The following CPA6 variants were observed in gnomAD, a reference collection of about 807,000 sequenced individuals.
CPA6 encodes the protein carboxypeptidase B.
A neutral mutation model predicts 63.3 loss-of-function variants in CPA6; 58 were observed. The ratio of observed to expected loss-of-function variants is 0.92; its 90% CI spans 0.74 to 1.14. The LOEUF (loss-of-function observed/expected upper bound fraction) is 1.14. Among genes scored for constraint, CPA6 ranks in the 50% most tolerant of loss-of-function variants. The pLI, the probability that CPA6 is intolerant of heterozygous loss-of-function variation, is 0.00. For synonymous variants in CPA6, 185 were observed against 179.0 expected (o/e 1.03, Z -0.27); for missense variants, 565 against 526.6 (o/e 1.07, Z -0.71).
At chr8:67,737,572 G>C (rs1817837798) in intron 1 of CPA6, among the ~76,000 whole-genome samples, 1 of 152,056 alleles carries the variant, frequency 6.6e-6, no homozygotes, top group African/African-American at 2.4e-5. Context: ...GTTTTCTCTG[G>C]AGGCACAAGG....
At chr8:67,431,006 T>C (rs1162031523) in intron 9 of CPA6, among the ~76,000 whole-genome samples, 1 of 152,008 alleles carries the variant, frequency 6.6e-6, no homozygotes, top group Non-Finnish European at 1.5e-5. Context: ...GGACTACAGG[T>C]ATGCACCACT....
Position 67,503,915 on chromosome 8 carries a change from CCT to C in CPA6, c.636+2870_636+2871del, listed in dbSNP as rs1456486882. On this transcript the variant is annotated intron_variant, in intron 6 of 10. Coordinates refer to ENST00000297770, the MANE Select transcript of CPA6 (RefSeq NM_020361.5). Reference sequence around the variant, plus strand: ...CTCTCGCTCCCATTTTCCCCCATCCCCTGACAGGCCCCAGTGTGTGATGTTCC... The same window carrying C: ...CTCTCGCTCCCATTTTCCCCCATCCCGACAGGCCCCAGTGTGTGATGTTCC... 2.6e-5 allele frequency among the ~76,000 whole-genome samples: 4 copies of C among 152,182 alleles called. 1 individual carries two copies. Among genetic ancestry groups the C allele is most frequent in the South Asian group, 4.2e-4 (2 of 4,812 alleles).
At chr8:67,654,442 A>G (rs1815932989) in intron 1 of CPA6, among the ~76,000 whole-genome samples, 1 of 152,102 alleles carries the variant, frequency 6.6e-6, no homozygotes, top group Non-Finnish European at 1.5e-5. Context: ...GTCTATTCAG[A>G]GATTCAACTT....
intron 2 of CPA6, among the ~76,000 whole-genome samples, chr8:67,582,222 C>A (rs188881759): frequency 1.3e-5 from 2 of 152,042 alleles, no homozygotes; most frequent in Admixed American, 1.3e-4. Context: ...TGAGAGCCCA[C>A]CTCAGATTCA....
intron 2 of CPA6, among the ~76,000 whole-genome samples, chr8:67,559,287 T>C (rs1260350581): frequency 6.6e-6 from 1 of 152,156 alleles, no homozygotes; most frequent in African/African-American, 2.4e-5. Context: ...CAGGGAATGA[T>C]TTTCCAGGGA....
chr8:67,553,406 AAAGAGTAATGATATTAT>A (rs1214013280), intron 2 of CPA6, among the ~76,000 whole-genome samples: 6 of 152,226 alleles, frequency 3.9e-5, no homozygotes, highest in African/African-American at 1.4e-4. Context: ...ATTTTATGGT[AAAGAGTAATGATATTAT>A]AAGTTCTCAA....
chr8:67,553,394 C>T (rs1812992382), intron 2 of CPA6, among the ~76,000 whole-genome samples: 1 of 152,216 alleles, frequency 6.6e-6, no homozygotes, highest in East Asian at 1.9e-4. Context: ...AACAGATAAA[C>T]AATTTTATGG....
At chr8:67,729,605 C>A (rs2129002823) in intron 1 of CPA6, among the ~76,000 whole-genome samples, 1 of 152,280 alleles carries the variant, frequency 6.6e-6, no homozygotes, top group South Asian at 2.1e-4. Flanking sequence ...TACTGCAGAG[C>A]ATTCTGAGTG....
chr8:67,696,717 C>G (rs920986806), intron 1 of CPA6, among the ~76,000 whole-genome samples: 1 of 152,208 alleles, frequency 6.6e-6, no homozygotes, highest in Non-Finnish European at 1.5e-5. Flanking sequence ...ATATGAACTA[C>G]AAACCATCAA....
At chr8:67,622,123 C>G (rs1815097002) in intron 2 of CPA6, among the ~76,000 whole-genome samples, 1 of 152,198 alleles carries the variant, frequency 6.6e-6, no homozygotes, top group Non-Finnish European at 1.5e-5. Flanking sequence ...TAAATAGATT[C>G]ACAAATGGTA....
chr8:67,523,214 C>T (rs1405252701), intron 2 of CPA6, among the ~76,000 whole-genome samples: 1 of 152,070 alleles, frequency 6.6e-6, no homozygotes, highest in African/African-American at 2.4e-5. Context: ...TAAATGAATA[C>T]ATACACACAA....
intron 10 of CPA6, among the ~76,000 whole-genome samples, chr8:67,424,728 C>T (rs959221320): frequency 2.6e-5 from 4 of 152,196 alleles, no homozygotes; most frequent in African/African-American, 4.8e-5. Context: ...TTCAATCTGG[C>T]TATTGCCTCT....
At chr8:67,634,204 ATTATTATTATTATTAT>A (rs1156887349) in intron 1 of CPA6, among the ~76,000 whole-genome samples, 1 of 143,486 alleles carries the variant, frequency 7.0e-6, no homozygotes, top group Non-Finnish European at 1.5e-5. Context: ...TATTATTATT[ATTATTATTATTATTAT>A]TTATTTGTTT....
chr8:67,434,274 T>C, intron 8 of CPA6, 34 bp from the exon 9 acceptor site: 1 of 1,555,306 alleles, frequency 6.4e-7, no homozygotes, highest in South Asian at 1.1e-5. Flanking sequence ...GGTAAGGAAG[T>C]GGGCAGGGAA....
At chr8:67,441,358 A>T (rs1810291307) in intron 8 of CPA6, among the ~76,000 whole-genome samples, 1 of 152,234 alleles carries the variant, frequency 6.6e-6, no homozygotes, top group African/African-American at 2.4e-5. Flanking sequence ...GAATTAGAGA[A>T]CTATACCATG....
chr8:67,595,748 TC>T (rs1346796568), intron 2 of CPA6, among the ~76,000 whole-genome samples: 1 of 152,226 alleles, frequency 6.6e-6, no homozygotes, highest in African/African-American at 2.4e-5. Context: ...AGTGCAGTAT[TC>T]GGGTGGGAGT....
intron 8 of CPA6, among the ~76,000 whole-genome samples, chr8:67,455,333 G>T (rs1810647405): frequency 6.6e-6 from 1 of 152,018 alleles, no homozygotes; most frequent in Non-Finnish European, 1.5e-5. Flanking sequence ...TTGTGGTGTT[G>T]GGAAAACGTG....
rs182322035 is a variant in CPA6 at position 67,497,604 on chromosome 8, G to C, written c.636+9183C>G. On this transcript the variant is annotated intron_variant, in intron 6 of 10. Coordinates refer to ENST00000297770, the MANE Select transcript of CPA6 (RefSeq NM_020361.5). The stretch of plus-strand genomic sequence containing the variant: ...TCTCTTGGGTACACACATAGGAGTG[G>C]AATTTTGGGGTCACATAGTAACTCT... Among the ~76,000 whole-genome samples, 339 of 152,272 alleles carry C rather than the reference G, an allele frequency of 2.2e-3. 1 individual carries two copies. The highest frequency in any genetic ancestry group is 7.5e-3 in the African/African-American group (312 of 41,548).
At position 67,586,215 on chromosome 8, in the gene CPA6, G is replaced by A. The variant is rs534761848; in HGVS notation, c.192+37961C>T. Among the ~76,000 whole-genome samples, 268 of 152,196 alleles carry A rather than the reference G, an allele frequency of 1.8e-3. 1 individual carries two copies. The highest frequency in any genetic ancestry group is 6.2e-3 in the African/African-American group (258 of 41,514). On this transcript the variant is annotated intron_variant, in intron 2 of 10. Coordinates refer to ENST00000297770, the MANE Select transcript of CPA6 (RefSeq NM_020361.5). Reference sequence around the variant, plus strand: ...GGGTAGGCTATATGTTCTGTTAGGGGGTTGAGGATGAGAGTAAGTCATATT... The same window carrying A: ...GGGTAGGCTATATGTTCTGTTAGGGAGTTGAGGATGAGAGTAAGTCATATT...
Sources: gnomAD v4.1 joint callset for allele counts (sites outside exome capture counted in the v4.1 genomes callset) on GRCh38, gnomAD v4.1.1 for gene constraint, MANE v1.5 for transcripts, NCBI Gene and HGNC (gene_info 2026-07-23, HGNC 2026-07-21) for gene names.